PTPN4: variants seen among roughly 807,000 people sequenced by gnomAD.
The protein encoded by PTPN4 is tyrosine-protein phosphatase non-receptor type 4.
A neutral mutation model predicts 135.5 loss-of-function variants in PTPN4; 49 were observed. The observed-to-expected ratio is 0.36, with a 90% CI of 0.29 to 0.46. PTPN4 has a LOEUF of 0.46. PTPN4 is among the 20% of genes least tolerant of loss of function. PTPN4 has a pLI of 1.00. For synonymous variants in PTPN4, 333 were observed against 369.9 expected (o/e 0.90, Z 1.14); for missense variants, 860 against 1,101.0 (o/e 0.78, Z 3.10).
intron 14 of PTPN4, 141 bp downstream of exon 14, chr2:119,932,690 A>G (rs1047445600): frequency 8.8e-6 from 9 of 1,026,530 alleles, no homozygotes; most frequent in African/African-American, 6.5e-5. Flanking sequence ...GCTCCAGAGC[A>G]TTATTTTCTC....
intron 8 of PTPN4, 126 bp downstream of exon 8, chr2:119,882,749 A>G: frequency 2.4e-6 from 2 of 834,186 alleles, no homozygotes; most frequent in Non-Finnish European, 3.5e-6. Context: ...AAATAATATT[A>G]TCATAAAGAA....
At chr2:119,924,225 A>C (rs1324714359) in intron 12 of PTPN4, among the ~76,000 whole-genome samples, 1 of 151,258 alleles carries the variant, frequency 6.6e-6, no homozygotes, top group Non-Finnish European at 1.5e-5. Context: ...TTAACACAGC[A>C]GTTCTTAAGG....
intron 2 of PTPN4, among the ~76,000 whole-genome samples, chr2:119,857,305 C>T (rs980578272): frequency 1.2e-4 from 19 of 152,010 alleles, no homozygotes; most frequent in African/African-American, 3.6e-4. Context: ...CCAAGGCGGG[C>T]GGATTGCCTG....
At chr2:119,969,277 T>A (rs1679492277) in intron 26 of PTPN4, among the ~76,000 whole-genome samples, 1 of 152,044 alleles carries the variant, frequency 6.6e-6, no homozygotes, top group Non-Finnish European at 1.5e-5. Flanking sequence ...CCTCCCAAAG[T>A]GTTGGGATTA....
chr2:119,792,259 T>C (rs1691163208), intron 1 of PTPN4, among the ~76,000 whole-genome samples: 2 of 152,234 alleles, frequency 1.3e-5, no homozygotes, highest in African/African-American at 4.8e-5. Flanking sequence ...AATTATTTTT[T>C]AGGGTAAATT....
At chr2:119,933,235 T>C (rs11675364) in intron 14 of PTPN4, among the ~76,000 whole-genome samples, 86,456 of 152,084 alleles carry the variant, frequency 0.57, 26,452 homozygotes, top group East Asian at 0.8. Flanking sequence ...AAGATAATGG[T>C]AAACAATTGT....
At chr2:119,783,948 G>T (rs994936215) in intron 1 of PTPN4, among the ~76,000 whole-genome samples, 1 of 152,126 alleles carries the variant, frequency 6.6e-6, no homozygotes, top group African/African-American at 2.4e-5. Flanking sequence ...TGGAGGTGGG[G>T]GATCCACTTC....
Position 119,978,099 on chromosome 2 carries a change from T to G in PTPN4, c.*1029T>G, listed in dbSNP as rs1679643801. On this transcript the variant is annotated 3_prime_UTR_variant, in exon 27 of 27. Coordinates refer to ENST00000263708, the MANE Select transcript of PTPN4 (RefSeq NM_002830.4). ...ATTGTTCAAAATCTGCACATTCCTT[T>G]ACTTGAGGGACTGAGGGGTTACGGT... 6.6e-6 allele frequency: 1 copy of G among 152,210 alleles called. No individual in the cohort carries two copies. Among genetic ancestry groups the G allele is most frequent in the Non-Finnish European group, 1.5e-5 (1 of 68,018 alleles). The allele number at this position is 152,210 out of a possible 1,614,324, so 9.4% of individuals were successfully genotyped here.
At chr2:119,976,333 CT>C (rs1322143907) in intron 26 of PTPN4, among the ~76,000 whole-genome samples, 5 of 151,384 alleles carry the variant, frequency 3.3e-5, no homozygotes, top group South Asian at 4.2e-4. Flanking sequence ...TCTTCCATTG[CT>C]TTTTTTTTCT....
At chr2:119,956,376 G>C (rs954166571) in intron 20 of PTPN4, among the ~76,000 whole-genome samples, 1 of 151,260 alleles carries the variant, frequency 6.6e-6, no homozygotes, top group Non-Finnish European at 1.5e-5. Flanking sequence ...GCCATGCTAG[G>C]CTCCCTGGAT....
At chr2:119,943,742 A>G (rs1679095148) in intron 15 of PTPN4, among the ~76,000 whole-genome samples, 2 of 151,440 alleles carry the variant, frequency 1.3e-5, no homozygotes, top group African/African-American at 2.4e-5. Context: ...GCCTGCCACC[A>G]TGCCTAGCTA....
intron 12 of PTPN4, 111 bp downstream of exon 12, chr2:119,920,352 G>A: frequency 8.2e-7 from 1 of 1,223,416 alleles, no homozygotes; most frequent in Non-Finnish European, 1.1e-6. Context: ...ACTTAACTGA[G>A]TCAAAAATCC....
intron 26 of PTPN4, among the ~76,000 whole-genome samples, chr2:119,973,358 A>G (rs1043493911): frequency 2.6e-5 from 4 of 152,142 alleles, no homozygotes; most frequent in Admixed American, 1.3e-4. Flanking sequence ...CTAAGGGTGA[A>G]CATACCACAT....
intron 1 of PTPN4, among the ~76,000 whole-genome samples, chr2:119,801,975 A>C (rs1400614624): frequency 7.6e-6 from 1 of 131,296 alleles, no homozygotes; most frequent in Non-Finnish European, 1.5e-5. Context: ...ATCTTGGCTC[A>C]CTGCAACCTC....
chr2:119,967,248 C>T (rs540489193), intron 25 of PTPN4, among the ~76,000 whole-genome samples: 1 of 152,238 alleles, frequency 6.6e-6, no homozygotes, highest in East Asian at 1.9e-4. Flanking sequence ...GAGTTCGAGA[C>T]CAGCCTGACA....
At chr2:119,922,218 TAAAAAAAAAAAAA>T (rs34480531) in intron 12 of PTPN4, among the ~76,000 whole-genome samples, 4,504 of 120,900 alleles carry the variant, frequency 0.037, 249 homozygotes, top group African/African-American at 0.12. Flanking sequence ...CAATCTGATT[TAAAAAAAAAAAAA>T]AAAAAAAAAG....
chr2:119,766,484 C>CTGTGTGTG (rs113673836), intron 1 of PTPN4, among the ~76,000 whole-genome samples: 2 of 103,826 alleles, frequency 1.9e-5, no homozygotes, highest in African/African-American at 8.6e-5. Flanking sequence ...GTGTGTGTGT[C>CTGTGTGTG]TGTGTGTGTG....
intron 23 of PTPN4, 140 bp downstream of exon 23, chr2:119,961,093 A>C: frequency 9.8e-7 from 1 of 1,022,050 alleles, no homozygotes; most frequent in Non-Finnish European, 1.4e-6. Flanking sequence ...TTAAATCATC[A>C]TGTTTAAGTG....
intron 2 of PTPN4, among the ~76,000 whole-genome samples, chr2:119,836,756 A>G (rs912330356): frequency 2.4e-4 from 37 of 152,246 alleles, no homozygotes; most frequent in African/African-American, 8.2e-4. Context: ...GCCTGCTCCA[A>G]TTTCCAAAGT....
Sources: gnomAD v4.1 joint callset for allele counts (sites outside exome capture counted in the v4.1 genomes callset) on GRCh38, gnomAD v4.1.1 for gene constraint, MANE v1.5 for transcripts, NCBI Gene and HGNC (gene_info 2026-07-23, HGNC 2026-07-21) for gene names.